The following CTNNA3 variants were observed in gnomAD, a reference collection of about 807,000 sequenced individuals.
The protein encoded by CTNNA3 is catenin alpha 3.
In CTNNA3, 76 loss-of-function variants were observed where a neutral mutation model predicts 95.7. The observed-to-expected ratio is 0.79, with a 90% CI of 0.66 to 0.96. The LOEUF (loss-of-function observed/expected upper bound fraction) is 0.96. Among genes scored for constraint, CTNNA3 ranks in the 40% least tolerant of loss-of-function variants. CTNNA3 has a pLI of 0.00. For synonymous variants in CTNNA3, 431 were observed against 374.4 expected, an observed-to-expected ratio of 1.15 and a Z score of -1.74; for missense variants, 1,191 against 1,089.8, an observed-to-expected ratio of 1.09 and a Z score of -1.31.
rs190319674 is a variant in CTNNA3 at position 66,415,889 on chromosome 10, G to A, written c.1532-36537C>T. On this transcript the variant is annotated intron_variant, in intron 11 of 17. Transcript: ENST00000433211. ...ATTGAAAAAGTTAGAAGAAGCAACT[G>A]CTACATGAGATGCACGGATATCAAT... Among the ~76,000 whole-genome samples, 250 of 152,234 alleles carry A rather than the reference G, an allele frequency of 1.6e-3. 2 individuals carry two copies. The highest frequency in any genetic ancestry group is 5.4e-3 in the African/African-American group (224 of 41,564).
At chr10:66,176,577 T>C (rs1430588333) in intron 13 of CTNNA3, among the ~76,000 whole-genome samples, 3 of 152,116 alleles carry the variant, frequency 2.0e-5, no homozygotes, top group African/African-American at 4.8e-5. Context: ...AAAATTCATA[T>C]GTTAAAATCC....
At chr10:66,389,183 G>T (rs577434660) in intron 11 of CTNNA3, among the ~76,000 whole-genome samples, 1 of 151,920 alleles carries the variant, frequency 6.6e-6, no homozygotes, top group South Asian at 2.1e-4. Flanking sequence ...TTTAAACACA[G>T]CAAAAGTCAT....
intron 3 of CTNNA3, among the ~76,000 whole-genome samples, chr10:67,560,100 A>G (rs1841442732): frequency 6.6e-6 from 1 of 152,146 alleles, no homozygotes; most frequent in Non-Finnish European, 1.5e-5. Context: ...CAATCTAGCA[A>G]GGCAGGCCAA....
At chr10:66,405,733 C>T (rs1252889421) in intron 11 of CTNNA3, among the ~76,000 whole-genome samples, 1 of 152,164 alleles carries the variant, frequency 6.6e-6, no homozygotes, top group Non-Finnish European at 1.5e-5. Flanking sequence ...ACTCAGATGT[C>T]TGGTGTTCCT....
chr10:66,650,856 TGCAGACCCAAA>T (rs1564594953), intron 9 of CTNNA3, among the ~76,000 whole-genome samples: 3 of 152,040 alleles, frequency 2.0e-5, no homozygotes, highest in African/African-American at 4.8e-5. Context: ...ATAAAGGCGG[TGCAGACCCAAA>T]GCAGACCCAA....
At chr10:66,956,784 A>G (rs1848812792) in intron 7 of CTNNA3, among the ~76,000 whole-genome samples, 1 of 152,210 alleles carries the variant, frequency 6.6e-6, no homozygotes, top group Non-Finnish European at 1.5e-5. Context: ...ACACTCTAAG[A>G]GGAGCCAGAA....
chr10:65,991,715 A>G (rs4746538), intron 15 of CTNNA3, among the ~76,000 whole-genome samples: 16,375 of 151,888 alleles, frequency 0.11, 1,113 homozygotes, highest in East Asian at 0.2. Context: ...TTGGCCTCCC[A>G]TTTTCCAATT....
At chr10:66,023,096 ACC>A (rs2079256439) in intron 15 of CTNNA3, among the ~76,000 whole-genome samples, 1 of 14,634 alleles carries the variant, frequency 6.8e-5, no homozygotes, top group South Asian at 3.0e-3. Flanking sequence ...AAGTTTTTAA[ACC>A]AACCATCTCT....
At chr10:66,430,330 A>T (rs1422530903) in intron 11 of CTNNA3, among the ~76,000 whole-genome samples, 3 of 152,208 alleles carry the variant, frequency 2.0e-5, no homozygotes, top group African/African-American at 7.2e-5. Context: ...CATACTGGCC[A>T]AGGTAATTTA....
chr10:66,753,709 C>T (rs994832384), intron 9 of CTNNA3, among the ~76,000 whole-genome samples: 3 of 148,806 alleles, frequency 2.0e-5, no homozygotes, highest in African/African-American at 4.9e-5. Context: ...ACACAAATAA[C>T]AAATTATATT....
At chr10:67,621,704 G>C (rs1019750442) in intron 2 of CTNNA3, among the ~76,000 whole-genome samples, 1 of 149,582 alleles carries the variant, frequency 6.7e-6, no homozygotes, top group Non-Finnish European at 1.5e-5. Flanking sequence ...AGCCAAGATC[G>C]AGCCACTGCA....
At chr10:66,610,193 C>T (rs112383888) in intron 10 of CTNNA3, among the ~76,000 whole-genome samples, 2,350 of 152,148 alleles carry the variant, frequency 0.015, 61 homozygotes, top group African/African-American at 0.054. Context: ...CAGGAATAGA[C>T]TTCATGTGTA....
chr10:67,566,043 GTATATATATATA>G lies in CTNNA3; in HGVS notation c.293-26386_293-26375del, dbSNP rs772272609. 4.3e-3 allele frequency among the ~76,000 whole-genome samples: 116 copies of G among 26,966 alleles called. 7 individuals carry two copies. Among genetic ancestry groups the G allele is most frequent in the African/African-American group, 0.012 (75 of 6,054 alleles). 17.7% of individuals were successfully genotyped at this position (26,966 alleles called of 152,430 possible). A position where few individuals can be genotyped will look rare whatever the true frequency, so the allele number is the denominator to read the frequency against. On this transcript the variant is annotated intron_variant, in intron 3 of 17. Transcript: ENST00000433211. Reference sequence around the variant, plus strand: ...CACACACACACACATATGTGTGTGTGTATATATATATATATATATATATATATATACAAAACC... The same window carrying G: ...CACACACACACACATATGTGTGTGTGTATATATATATATATATACAAAACC...
At chr10:66,390,817 A>G (rs1053846364) in intron 11 of CTNNA3, among the ~76,000 whole-genome samples, 4 of 152,134 alleles carry the variant, frequency 2.6e-5, no homozygotes, top group African/African-American at 7.2e-5. Context: ...AGAAAGATCT[A>G]AGCAAAAACT....
At chr10:67,444,685 A>C (rs1353983950) in intron 5 of CTNNA3, among the ~76,000 whole-genome samples, 1 of 109,740 alleles carries the variant, frequency 9.1e-6, no homozygotes, top group Non-Finnish European at 2.2e-5. Context: ...GAAAATCCAA[A>C]TAAATAAAAT....
At chr10:66,950,818 G>C (rs1035019299) in intron 7 of CTNNA3, among the ~76,000 whole-genome samples, 1 of 152,160 alleles carries the variant, frequency 6.6e-6, no homozygotes, top group African/African-American at 2.4e-5. Context: ...GAGGGGCATA[G>C]AGAGAGATTT....
chr10:67,412,420 T>G (rs1274607634), intron 5 of CTNNA3, among the ~76,000 whole-genome samples: 1 of 152,068 alleles, frequency 6.6e-6, no homozygotes, highest in Non-Finnish European at 1.5e-5. Flanking sequence ...AATAAGCAAC[T>G]TGTAAAATAC....
At chr10:66,549,459 T>A (rs530866091) in intron 10 of CTNNA3, among the ~76,000 whole-genome samples, 2 of 152,296 alleles carry the variant, frequency 1.3e-5, no homozygotes, top group Non-Finnish European at 2.9e-5. Context: ...CAAAGTGAGC[T>A]GTTCCCTTTC....
intron 13 of CTNNA3, among the ~76,000 whole-genome samples, chr10:66,106,077 C>T (rs1390292799): frequency 2.0e-5 from 3 of 152,072 alleles, no homozygotes; most frequent in African/African-American, 7.2e-5. Context: ...CGTGGTGGCA[C>T]ATGCCTGTAA....
Sources: gnomAD v4.1 joint callset for allele counts (sites outside exome capture counted in the v4.1 genomes callset) on GRCh38, gnomAD v4.1.1 for gene constraint, MANE v1.5 for transcripts, NCBI Gene and HGNC (gene_info 2026-07-23, HGNC 2026-07-21) for gene names.